MTA3: variants seen among roughly 807,000 people sequenced by gnomAD.
MTA3 encodes the protein metastasis associated 1 family member 3.
A neutral mutation model predicts 83.5 loss-of-function variants in MTA3; 34 were observed. The observed-to-expected ratio is 0.41, with a 90% CI of 0.31 to 0.54. The LOEUF is 0.54. Among genes scored for constraint, MTA3 ranks in the 20% least tolerant of loss-of-function variants. MTA3 has a pLI of 0.33. For synonymous variants in MTA3, 303 were observed against 252.7 expected (o/e 1.20, Z -1.89); for missense variants, 761 against 726.4 (o/e 1.05, Z -0.55).
chr2:42,595,311 C>T (rs1344200511), intron 3 of MTA3, among the ~76,000 whole-genome samples: 2 of 150,862 alleles, frequency 1.3e-5, no homozygotes, highest in Admixed American at 6.7e-5. Flanking sequence ...GGGGTTTCAC[C>T]GTGTTAGCCA....
chr2:42,728,851 G>A (rs950553296), intron 16 of MTA3, among the ~76,000 whole-genome samples: 3 of 151,998 alleles, frequency 2.0e-5, no homozygotes, highest in African/African-American at 7.3e-5. Context: ...ATATATTCTA[G>A]CTATTAATCC....
chr2:42,738,764 G>GCGCA (rs1228035851), intron 16 of MTA3, among the ~76,000 whole-genome samples: 1 of 152,206 alleles, frequency 6.6e-6, no homozygotes, highest in Non-Finnish European at 1.5e-5. Context: ...GAAAGAGAAT[G>GCGCA]CGCACGTAGG....
intron 2 of MTA3, among the ~76,000 whole-genome samples, chr2:42,576,088 G>A (rs895741178): frequency 1.3e-5 from 2 of 152,150 alleles, no homozygotes; most frequent in Non-Finnish European, 2.9e-5. Flanking sequence ...ATATTATTGA[G>A]TACCTGTTTT....
intron 2 of MTA3, among the ~76,000 whole-genome samples, chr2:42,498,428 G>T (rs12996893): frequency 0.021 from 3,263 of 152,300 alleles, 55 homozygotes; most frequent in Middle Eastern, 0.044. Context: ...AGTCTCCGGT[G>T]TGGACTGAAG....
chr2:42,529,351 A>C (rs1228110055), intron 2 of MTA3, among the ~76,000 whole-genome samples: 1 of 152,170 alleles, frequency 6.6e-6, no homozygotes, highest in Non-Finnish European at 1.5e-5. Context: ...CCACTGTTCT[A>C]GACCAAAGGA....
At chr2:42,728,408 C>T (rs1667973470) in intron 16 of MTA3, among the ~76,000 whole-genome samples, 1 of 152,168 alleles carries the variant, frequency 6.6e-6, no homozygotes, top group Non-Finnish European at 1.5e-5. Context: ...CATGGGAGTG[C>T]AGATATCTCT....
intron 3 of MTA3, among the ~76,000 whole-genome samples, chr2:42,585,380 G>A (rs758693433): frequency 1.4e-4 from 22 of 152,026 alleles, no homozygotes; most frequent in East Asian, 1.4e-3. Flanking sequence ...GAGCCACCGC[G>A]CCTGGCTGAA....
chr2:42,635,364 A>G (rs1398694258), intron 4 of MTA3, among the ~76,000 whole-genome samples: 1 of 152,200 alleles, frequency 6.6e-6, no homozygotes. Flanking sequence ...AAAGTGGCTC[A>G]TGTCTGTAAT....
intron 2 of MTA3, among the ~76,000 whole-genome samples, chr2:42,513,537 A>G (rs995762689): frequency 1.3e-5 from 2 of 152,192 alleles, no homozygotes; most frequent in African/African-American, 4.8e-5. Flanking sequence ...GTGAGGCCAC[A>G]TCTAAACCTA....
intron 2 of MTA3, among the ~76,000 whole-genome samples, chr2:42,539,471 A>C: frequency 6.6e-6 from 1 of 152,080 alleles, no homozygotes; most frequent in Non-Finnish European, 1.5e-5. Flanking sequence ...CCCACGATTA[A>C]ATCACCTCCC....
At chr2:42,624,409 C>T (rs1685881044) in intron 4 of MTA3, among the ~76,000 whole-genome samples, 4 of 152,100 alleles carry the variant, frequency 2.6e-5, no homozygotes, top group Admixed American at 2.0e-4. Flanking sequence ...GCAACCTCCA[C>T]CTCCTGGGTT....
At chr2:42,680,803 G>A (rs916303508) in intron 8 of MTA3, among the ~76,000 whole-genome samples, 2 of 152,116 alleles carry the variant, frequency 1.3e-5, no homozygotes, top group African/African-American at 2.4e-5. Flanking sequence ...CCAGGCTGGG[G>A]TGCAGTGGCA....
At chr2:42,673,578 A>T (rs1345048065) in intron 8 of MTA3, among the ~76,000 whole-genome samples, 1 of 152,216 alleles carries the variant, frequency 6.6e-6, no homozygotes, top group Non-Finnish European at 1.5e-5. Context: ...GTTCCCTGGA[A>T]GCAGATTCTG....
chr2:42,586,603 C>G (rs1680352881), intron 3 of MTA3, among the ~76,000 whole-genome samples: 1 of 144,568 alleles, frequency 6.9e-6, no homozygotes, highest in Non-Finnish European at 1.5e-5. Context: ...CACACACACA[C>G]ACACACACAC....
intron 2 of MTA3, among the ~76,000 whole-genome samples, chr2:42,500,372 T>C (rs1350397815): frequency 1.3e-5 from 2 of 151,860 alleles, no homozygotes; most frequent in South Asian, 4.2e-4. Flanking sequence ...GTACTCCAAC[T>C]TGGGTGACAG....
chr2:42,562,450 GGAA>G (rs1572987377), intron 2 of MTA3, among the ~76,000 whole-genome samples: 1 of 152,068 alleles, frequency 6.6e-6, no homozygotes, highest in Non-Finnish European at 1.5e-5. Context: ...TTCAGGGCTG[GGAA>G]GAAGGAGTGA....
At chr2:42,596,888 A>G (rs1445586205) in intron 3 of MTA3, among the ~76,000 whole-genome samples, 2 of 152,170 alleles carry the variant, frequency 1.3e-5, no homozygotes, top group South Asian at 2.1e-4. Flanking sequence ...GAAGTAGCTA[A>G]TCTAAAATTT....
rs34379999 is a variant in MTA3 at position 42,724,277 on chromosome 2, AACAC to A, written c.1759+1293_1759+1296del. Among the ~76,000 whole-genome samples the A allele has an allele frequency of 7.2e-3, 527 of 73,162 alleles. 10 individuals are homozygous for A. Among genetic ancestry groups the A allele is most frequent in the Non-Finnish European group, 6.8e-3 (278 of 40,620 alleles). 48.0% of individuals were successfully genotyped at this position (73,162 alleles called of 152,430 possible). ...AGAAGGTATAAAGTAAGTCCTGAAAAACACACACACACACACACACACACACACA... is the reference window on the plus strand; with the variant it reads ...AGAAGGTATAAAGTAAGTCCTGAAAAACACACACACACACACACACACACA... On this transcript the variant is annotated intron_variant, in intron 16 of 16. Transcript: ENST00000405094.
chr2:42,603,014 G>T (rs1216021070), intron 3 of MTA3, among the ~76,000 whole-genome samples: 3 of 151,928 alleles, frequency 2.0e-5, no homozygotes, highest in Non-Finnish European at 4.4e-5. Flanking sequence ...ATATATTCTT[G>T]CCTGGAATCC....
Sources: gnomAD v4.1 joint callset for allele counts (sites outside exome capture counted in the v4.1 genomes callset) on GRCh38, gnomAD v4.1.1 for gene constraint, MANE v1.5 for transcripts, NCBI Gene and HGNC (gene_info 2026-07-23, HGNC 2026-07-21) for gene names.